The following NPHP4 variants were observed in gnomAD, a reference collection of about 807,000 sequenced individuals.
The protein encoded by NPHP4 is nephrocystin-4.
NPHP4 carries 151 observed loss-of-function variants against 155.8 expected under a neutral mutation model. That is an observed-to-expected ratio of 0.97 (90% CI 0.85 to 1.11). The LOEUF (loss-of-function observed/expected upper bound fraction) is 1.11, where lower values mean the gene tolerates loss of function less well. NPHP4 is among the 50% of genes least tolerant of loss of function. The pLI, the probability that NPHP4 is intolerant of heterozygous loss-of-function variation, is 0.00. For missense variants in NPHP4, 1,956 were observed against 1,925.7 expected (o/e 1.02, Z -0.29); for synonymous variants, 845 against 816.8 (o/e 1.03, Z -0.59).
At chr1:5,887,629 G>A (rs1046304602) in intron 17 of NPHP4, among the ~76,000 whole-genome samples, 163 bp from the exon 18 acceptor site, 9 of 152,190 alleles carry the variant, frequency 5.9e-5, no homozygotes, top group Non-Finnish European at 8.8e-5. Context: ...GTGAGGGGGC[G>A]GCGAGCCAGG....
rs1644060754 is a variant in NPHP4, at chr1:5,890,434, T to C, written c.2304+434A>G. On this transcript the variant is annotated intron_variant, in intron 17 of 29. Coordinates refer to ENST00000378156, the MANE Select transcript of NPHP4 (RefSeq NM_015102.5). The surrounding 1 kb of genome is among the most constrained non-coding windows in gnomAD (Gnocchi z 4.9). ...CAATTAGTAAAAGAGATTCTAATTT[T>C]CACCAGAATGAGAAAAGAACAACAC... Among the ~76,000 whole-genome samples the C allele has an allele frequency of 6.6e-6, 1 of 152,130 alleles. No homozygotes were observed.
intron 6 of NPHP4, among the ~76,000 whole-genome samples, chr1:5,959,319 G>A (rs1270361768): frequency 2.6e-5 from 4 of 152,210 alleles, no homozygotes; most frequent in African/African-American, 4.8e-5. Context: ...TGAGGCCAAC[G>A]GGCCAGACCT....
intron 26 of NPHP4, chr1:5,865,590 A>G: frequency 3.6e-6 from 1 of 280,756 alleles, no homozygotes; most frequent in Non-Finnish European, 6.7e-6. Context: ...TTGGCCAAAC[A>G]CACATCCTGG....
At chr1:5,932,617 T>C (rs894109142) in intron 10 of NPHP4, among the ~76,000 whole-genome samples, 13 of 151,954 alleles carry the variant, frequency 8.6e-5, no homozygotes, top group African/African-American at 2.9e-4. Context: ...CTACTTGTTT[T>C]TGCCGTCTTA....
chr1:5,934,067 C>T (rs1226830093), intron 9 of NPHP4, among the ~76,000 whole-genome samples: 2 of 152,164 alleles, frequency 1.3e-5, no homozygotes, highest in African/African-American at 4.8e-5. Flanking sequence ...AACTTTCATC[C>T]ATTTACTTAA....
chr1:5,893,223 T>C (rs961027114), intron 16 of NPHP4, among the ~76,000 whole-genome samples: 30 of 152,010 alleles, frequency 2.0e-4, no homozygotes, highest in Admixed American at 6.6e-4. Context: ...CGAGAGAGTG[T>C]AGAAATAAAG....
chr1:5,981,579 A>G (rs1387515647), intron 2 of NPHP4, among the ~76,000 whole-genome samples: 2 of 152,250 alleles, frequency 1.3e-5, no homozygotes, highest in Non-Finnish European at 2.9e-5. Context: ...AACACCTTTC[A>G]CAGGGAAGCA....
intron 26 of NPHP4, chr1:5,866,069 G>T (rs1249932453): frequency 4.5e-6 from 2 of 439,900 alleles, no homozygotes; most frequent in Admixed American, 6.9e-5. Context: ...GCAAGAAAAA[G>T]GTAATGAGGG....
chr1:5,962,919 C>T (rs1366805141), intron 5 of NPHP4, among the ~76,000 whole-genome samples: 1 of 152,158 alleles, frequency 6.6e-6, no homozygotes, highest in African/African-American at 2.4e-5. Flanking sequence ...CAATCTTGCT[C>T]GGGCCTGATT....
At chr1:5,880,441 C>T in intron 18 of NPHP4, 1 of 561,958 alleles carries the variant, frequency 1.8e-6, no homozygotes, top group Non-Finnish European at 3.2e-6. Context: ...TCAGCTAGGT[C>T]TTCATTCTCC....
At chr1:5,978,553 T>C in intron 2 of NPHP4, 140 bp from the exon 3 acceptor site, 2 of 762,924 alleles carry the variant, frequency 2.6e-6, no homozygotes, top group South Asian at 1.8e-5. Context: ...GCTACCTCTC[T>C]CCCACAGCTA....
chr1:5,969,068 G>A lies in NPHP4; in HGVS notation c.452+19C>T, dbSNP rs1652071377. ...ACAGACGCTGGAAAACCCCAGGGTT[G>A]TAGAAACAAGGCAGGTACCTTTTGT... On this transcript the variant is annotated intron_variant, in intron 4 of 29. Transcript: ENST00000378156. 4.0e-6 allele frequency: 6 copies of A among 1,486,150 alleles called. No homozygotes were observed. The East Asian group carries it at 1.5e-4, about 37-fold the overall frequency. 92.1% of individuals were successfully genotyped at this position (1,486,150 alleles called of 1,614,324 possible).
chr1:5,953,691 C>T (rs1026331120), intron 6 of NPHP4, among the ~76,000 whole-genome samples: 5 of 152,218 alleles, frequency 3.3e-5, no homozygotes, highest in Admixed American at 6.5e-5. Context: ...CTCACGGTCT[C>T]GTGCAAAGCA....
At chr1:5,900,655 G>C (rs1224072037) in intron 16 of NPHP4, among the ~76,000 whole-genome samples, 1 of 152,146 alleles carries the variant, frequency 6.6e-6, no homozygotes, top group Non-Finnish European at 1.5e-5. Context: ...AAAAATCACA[G>C]ACTGTATAAT....
At chr1:5,903,817 G>A (rs780515761) in intron 16 of NPHP4, among the ~76,000 whole-genome samples, 4 of 152,148 alleles carry the variant, frequency 2.6e-5, no homozygotes, top group Non-Finnish European at 5.9e-5. Context: ...GAAGCAGAAC[G>A]TCACCTCTGC....
chr1:5,945,826 A>T (rs1285390576), intron 9 of NPHP4, among the ~76,000 whole-genome samples: 1 of 152,216 alleles, frequency 6.6e-6, no homozygotes, highest in Non-Finnish European at 1.5e-5. Context: ...AATATTAAAC[A>T]GAAAACTCCA....
At chr1:5,938,114 T>G (rs1646639199) in intron 9 of NPHP4, among the ~76,000 whole-genome samples, 1 of 152,112 alleles carries the variant, frequency 6.6e-6, no homozygotes, top group African/African-American at 2.4e-5. Context: ...AGGTGGAGCC[T>G]GGTGTCCCCC....
At chr1:5,906,331 C>T (rs1323764982) in intron 13 of NPHP4, among the ~76,000 whole-genome samples, 2 of 152,382 alleles carry the variant, frequency 1.3e-5, no homozygotes, top group East Asian at 3.9e-4. Flanking sequence ...AAGGCCGAGG[C>T]AGGCCTCTCA....
intron 9 of NPHP4, among the ~76,000 whole-genome samples, chr1:5,939,996 TG>T (rs1458613940): frequency 6.6e-6 from 1 of 152,086 alleles, no homozygotes; most frequent in Non-Finnish European, 1.5e-5. Context: ...CTGCCTGCCC[TG>T]GAACAGGCAG....
Sources: allele counts gnomAD v4.1 joint callset (sites outside exome capture counted in the v4.1 genomes callset), GRCh38; gene constraint gnomAD v4.1.1; non-coding constraint Gnocchi (gnomAD v3.1); transcripts MANE v1.5; gene names NCBI Gene and HGNC (gene_info 2026-07-23, HGNC 2026-07-21).